The following TNRC6B variants were observed in gnomAD, a reference collection of about 807,000 sequenced individuals.
TNRC6B encodes trinucleotide repeat containing adaptor 6B.
Under a neutral mutation model 203.6 loss-of-function variants are expected in TNRC6B, and 52 were observed. The observed-to-expected ratio is 0.26, with a 90% CI of 0.20 to 0.32. The LOEUF (loss-of-function observed/expected upper bound fraction) is 0.32, where lower values mean the gene tolerates loss of function less well. Ranked by LOEUF, TNRC6B falls within the 10% of genes least tolerant of loss-of-function variation. The probability of loss-of-function intolerance (pLI) is 1.00; values close to 1 mark genes in which losing one functional copy is unlikely to be tolerated. For missense variants in TNRC6B, 1,923 were observed against 2,286.2 expected, an observed-to-expected ratio of 0.84 and a Z score of 3.24; for synonymous variants, 838 against 845.7, an observed-to-expected ratio of 0.99 and a Z score of 0.16.
chr22:40,136,801 A>G (rs2068603709), intron 3 of TNRC6B, among the ~76,000 whole-genome samples: 2 of 152,178 alleles, frequency 1.3e-5, no homozygotes, highest in African/African-American at 2.4e-5. Flanking sequence ...TGTTTCTACT[A>G]ATTACTGCAA....
intron 1 of TNRC6B, among the ~76,000 whole-genome samples, chr22:40,221,761 C>CCCCCCCCCT (rs11407329): frequency 7.4e-6 from 1 of 134,276 alleles, no homozygotes; most frequent in East Asian, 2.4e-4. Context: ...GCCCCCCCCC[C>CCCCCCCCCT]TTTTTTTTTT....
chr22:40,081,371 C>T (rs1227050898), intron 1 of TNRC6B, among the ~76,000 whole-genome samples: 1 of 133,802 alleles, frequency 7.5e-6, no homozygotes, highest in African/African-American at 2.7e-5. Context: ...CAATTTCCTG[C>T]TTAAACTTTC....
chr22:40,153,642 A>T, intron 3 of TNRC6B, among the ~76,000 whole-genome samples: 1 of 151,908 alleles, frequency 6.6e-6, no homozygotes, highest in East Asian at 1.9e-4. Flanking sequence ...TAATTATAGC[A>T]TTCCATATGA....
intron 9 of TNRC6B, 104 bp from the exon 10 acceptor site, chr22:40,279,891 G>A: frequency 1.1e-6 from 1 of 948,620 alleles, no homozygotes; most frequent in Non-Finnish European, 1.6e-6. Context: ...AATATTAATA[G>A]CTTATACCCA....
At chr22:40,171,479 A>C (rs1465101478) in intron 4 of TNRC6B, among the ~76,000 whole-genome samples, 4 of 152,096 alleles carry the variant, frequency 2.6e-5, no homozygotes, top group Admixed American at 2.0e-4. Flanking sequence ...TAAATTTAAC[A>C]ATGAATGGGA....
At chr22:40,102,144 A>T (rs1045555968) in intron 1 of TNRC6B, among the ~76,000 whole-genome samples, 11 of 152,218 alleles carry the variant, frequency 7.2e-5, no homozygotes, top group African/African-American at 2.7e-4. Context: ...ATATGAATAT[A>T]TTTTTTTAAA....
intron 1 of TNRC6B, among the ~76,000 whole-genome samples, chr22:40,188,082 G>A (rs535805290): frequency 3.3e-5 from 5 of 152,068 alleles, no homozygotes; most frequent in Non-Finnish European, 5.9e-5. Context: ...TTAGCTGGGC[G>A]CCTGTAATCC....
Position 40,331,820 on chromosome 22 carries a change from T to C in TNRC6B, c.*8579T>C, listed in dbSNP as rs1401279086. The stretch of plus-strand genomic sequence containing the variant: ...CCTTGTTCTTCAGTTTCTGTGTCCA[T>C]GGTGTCCCCGTGTCCTGGAGGGGAA... On this transcript the variant is annotated 3_prime_UTR_variant, in exon 23 of 23. Transcript: ENST00000454349. The C allele has an allele frequency of 5.4e-6, 2 of 368,850 alleles. No individual in the cohort carries two copies. The highest frequency in any genetic ancestry group is 1.4e-4 in the South Asian group (1 of 7,030). 22.8% of individuals were successfully genotyped at this position (368,850 alleles called of 1,614,324 possible).
chr22:40,270,374 C>T, intron 6 of TNRC6B, 94 bp downstream of exon 6: 1 of 1,225,314 alleles, frequency 8.2e-7, no homozygotes, highest in Non-Finnish European at 1.0e-6. Flanking sequence ...GGCTGGAGTG[C>T]AGTGGTGCAA....
In TNRC6B at chr22:40,265,952, T is replaced by C. The variant is rs747605032; in HGVS notation, c.1722T>C (p.Thr574=). ...GAAGTGAAGTTGGAGGTCAAAGCAC[T>C]GGAAGCAACCACAAAGCAGGAAGTA... ...STGSEVGGQS[T]GSNHKAGSSD... is the part of the protein sequence containing the mutation. The change falls in exon 5 of 23, where the codon ACT becomes ACC. Residue 574 remains threonine (T), a synonymous_variant. Transcript: ENST00000454349. 1.9e-6 allele frequency: 3 copies of C among 1,613,882 alleles called. No homozygotes were observed. Among genetic ancestry groups the C allele is most frequent in the East Asian group, 2.2e-5 (1 of 44,888 alleles).
chr22:40,116,567 C>T (rs903100571), intron 1 of TNRC6B, among the ~76,000 whole-genome samples: 4 of 151,920 alleles, frequency 2.6e-5, no homozygotes, highest in Non-Finnish European at 5.9e-5. Flanking sequence ...AGAGAACCAG[C>T]GAAATGGCCC....
intron 1 of TNRC6B, among the ~76,000 whole-genome samples, chr22:40,067,766 C>G (rs1177652438): frequency 6.6e-6 from 1 of 152,084 alleles, no homozygotes; most frequent in Non-Finnish European, 1.5e-5. Flanking sequence ...TTTTTCCATT[C>G]AGGCCCCTAG....
At position 40,267,020 on chromosome 22, in the gene TNRC6B, C is replaced by T; in HGVS notation, c.2790C>T (p.Thr930=). The T allele has an allele frequency of 6.3e-7, 1 of 1,599,434 alleles. No homozygotes were observed. Among genetic ancestry groups the T allele is most frequent in the Non-Finnish European group, 8.5e-7 (1 of 1,172,444 alleles). The change falls in exon 5 of 23, where the codon ACC becomes ACT. Residue 930 remains threonine (T), a synonymous_variant. Transcript: ENST00000454349. ...AACCAAACCTGCCCACCCCAATGAC[C>T]AGTAAATCGGCATCAGGTAAGCAGT... ...PREPNLPTPM[T]SKSASVWSKS...
chr22:40,159,892 A>G (rs1356938620), intron 4 of TNRC6B, among the ~76,000 whole-genome samples: 2 of 151,944 alleles, frequency 1.3e-5, no homozygotes, highest in Non-Finnish European at 2.9e-5. Context: ...GCTCACTGTA[A>G]TCTTGAATTC....
chr22:40,174,242 A>C (rs962810537), upstream of TNRC6B, among the ~76,000 whole-genome samples: 2 of 151,368 alleles, frequency 1.3e-5, no homozygotes, highest in African/African-American at 4.9e-5. Context: ...TGCTCACTGC[A>C]GCTCACTGCA....
intron 3 of TNRC6B, among the ~76,000 whole-genome samples, chr22:40,260,328 A>G (rs542664192): frequency 6.6e-6 from 1 of 152,196 alleles, no homozygotes; most frequent in Admixed American, 6.5e-5. Flanking sequence ...GTGATTTTCT[A>G]GGCCTGGAGT....
Position 40,090,805 on chromosome 22 carries a change from C to T in TNRC6B, c.-120-26250C>T, listed in dbSNP as rs540876341. Among the ~76,000 whole-genome samples, 130 of 152,204 alleles carry T rather than the reference C, an allele frequency of 8.5e-4. 4 individuals carry two copies. The South Asian group carries it at 0.027, about 31-fold the overall frequency. On this transcript the variant is annotated intron_variant, in intron 1 of 23. Transcript: ENST00000301923. The stretch of plus-strand genomic sequence containing the variant: ...GTCCCCAAATTGTGGTCTTGGAATA[C>T]CAATTCTCACTAACAGGAAGCAGGG...
chr22:40,269,571 C>A (rs2070530936), intron 5 of TNRC6B, among the ~76,000 whole-genome samples: 1 of 151,982 alleles, frequency 6.6e-6, no homozygotes, highest in Admixed American at 6.6e-5. Flanking sequence ...CCTATTTTTA[C>A]AAGTATATTT....
chr22:40,137,749 C>G (rs1051570489), intron 3 of TNRC6B, among the ~76,000 whole-genome samples: 9 of 151,958 alleles, frequency 5.9e-5, no homozygotes, highest in African/African-American at 1.9e-4. Flanking sequence ...TTTGGGAGGC[C>G]GAGGCGGGTG....
Sources: allele counts gnomAD v4.1 joint callset (sites outside exome capture counted in the v4.1 genomes callset), GRCh38; gene constraint gnomAD v4.1.1; transcripts MANE v1.5; gene names NCBI Gene and HGNC (gene_info 2026-07-23, HGNC 2026-07-21).